The following CACNA1C variants were observed in gnomAD, a reference collection of about 807,000 sequenced individuals.
The protein encoded by CACNA1C is voltage-dependent L-type calcium channel subunit alpha-1C.
A neutral mutation model predicts 229.0 loss-of-function variants in CACNA1C; 30 were observed. The ratio of observed to expected loss-of-function variants is 0.13; its 90% CI spans 0.10 to 0.18. The LOEUF is 0.18. Among genes scored for constraint, CACNA1C ranks in the 10% least tolerant of loss-of-function variants. The pLI is 1.00. For synonymous variants in CACNA1C, 1,114 were observed against 1,132.5 expected, an observed-to-expected ratio of 0.98 and a Z score of 0.33; for missense variants, 1,658 against 2,845.0, an observed-to-expected ratio of 0.58 and a Z score of 9.49.
chr12:1,993,453 C>T (rs541427166), intron 1 of CACNA1C: 2 of 1,571,830 alleles, frequency 1.3e-6, no homozygotes, highest in African/African-American at 1.4e-5. Flanking sequence ...GCTATATTTT[C>T]AGTATAAGTA....
In CACNA1C at chr12:2,682,674, G is replaced by A. The variant is rs1330775539; in HGVS notation, c.5569G>A (p.Glu1857Lys). 1 of 1,610,480 alleles carries A rather than the reference G, an allele frequency of 6.2e-7. No individual in the cohort carries two copies. Among genetic ancestry groups the A allele is most frequent in the East Asian group, 2.2e-5 (1 of 44,810 alleles). ...CAGTGAGCCCAGCCTGCTCTCCACA[G>A]AGATGTGAGCTCTGCTGCCCTCTGC... ...ACSEPSLLSTEMLSYQDDENR... is the reference protein window; with the variant it reads ...ACSEPSLLSTKMLSYQDDENR... The change falls in exon 43 of 47, where the codon GAG (glutamate) becomes AAG (lysine). Residue 1857 changes from glutamate to lysine, a missense_variant. By Grantham distance (56) the Glu-to-Lys change is moderately conservative. Around this residue, in one of 20 missense-constraint regions of CACNA1C, gnomAD observed 590 missense variants for 700.8 expected, o/e 0.84. Transcript: ENST00000399655.
At chr12:2,681,455 C>G (rs766521448) in intron 42 of CACNA1C, among the ~76,000 whole-genome samples, 12 of 152,178 alleles carry the variant, frequency 7.9e-5, no homozygotes, top group Non-Finnish European at 1.2e-4. Context: ...CCCTTGTCCC[C>G]GTGTCACAGC....
intron 3 of CACNA1C, among the ~76,000 whole-genome samples, chr12:2,250,202 T>C (rs2075095700): frequency 6.6e-6 from 1 of 152,136 alleles, no homozygotes; most frequent in African/African-American, 2.4e-5. Flanking sequence ...ACCCAGTCAG[T>C]ATCTGCGGAG....
intron 3 of CACNA1C, among the ~76,000 whole-genome samples, chr12:2,124,539 C>T (rs568166297): frequency 6.6e-6 from 1 of 152,238 alleles, no homozygotes; most frequent in South Asian, 2.1e-4. Context: ...GAGGAGGAGG[C>T]TCGAAGGCTT....
intron 3 of CACNA1C, 76 bp from the exon 4 acceptor site, chr12:2,448,900 G>A: frequency 7.9e-7 from 1 of 1,270,350 alleles, no homozygotes; most frequent in East Asian, 2.4e-5. Flanking sequence ...CTACTTGTGA[G>A]ATCTACTGGT....
rs1484120455 is a variant in CACNA1C at position 2,493,209 on chromosome 12, C to A, written c.936C>A (p.Asp312Glu). Reference sequence around the variant, plus strand: ...TTTGAGATGTTCCAGCAGAAGATGACCCTTCCCCTTGTGCGCTGGAAACGG... The same window carrying A: ...TTTGAGATGTTCCAGCAGAAGATGAACCTTCCCCTTGTGCGCTGGAAACGG... Reference protein sequence around the residue: ...EGIADVPAEDDPSPCALETGH... With the variant: ...EGIADVPAEDEPSPCALETGH... The change falls in exon 7 of 47, where the codon GAC becomes GAA. Residue 312 changes from aspartate (D) to glutamate (E), a missense_variant. Coordinates refer to ENST00000399655, the MANE Select transcript of CACNA1C (RefSeq NM_000719.7). The surrounding 1 kb of genome is among the most constrained non-coding windows in gnomAD (Gnocchi z 4.6). The A allele has an allele frequency of 1.2e-6, 2 of 1,613,912 alleles. No homozygotes were observed. The highest frequency in any genetic ancestry group is 2.2e-5 in the East Asian group (1 of 44,868).
intron 5 of CACNA1C, among the ~76,000 whole-genome samples, chr12:2,471,888 C>A (rs1364664874): frequency 6.6e-6 from 1 of 152,216 alleles, no homozygotes; most frequent in Non-Finnish European, 1.5e-5. Context: ...ACCATCTTGG[C>A]CAGGCTGGCC....
chr12:2,157,824 C>T (rs184157168), intron 3 of CACNA1C, among the ~76,000 whole-genome samples: 19 of 151,996 alleles, frequency 1.3e-4, no homozygotes, highest in South Asian at 8.3e-4. Flanking sequence ...AGAATATACA[C>T]GAGGAAAACT....
chr12:2,379,279 A>G (rs2098167168), intron 3 of CACNA1C, among the ~76,000 whole-genome samples: 2 of 152,214 alleles, frequency 1.3e-5, no homozygotes, highest in African/African-American at 4.8e-5. Context: ...CAATTTGTCC[A>G]TGTAACGGTG....
intron 3 of CACNA1C, among the ~76,000 whole-genome samples, chr12:2,257,655 C>T (rs1419793715): frequency 6.6e-6 from 1 of 152,188 alleles, no homozygotes; most frequent in African/African-American, 2.4e-5. Context: ...GGCTGGGGAC[C>T]CCCGCTCTAG....
At chr12:2,567,915 A>G in intron 13 of CACNA1C, 121 bp downstream of exon 13, 1 of 611,834 alleles carries the variant, frequency 1.6e-6, no homozygotes, top group Non-Finnish European at 2.9e-6. Context: ...GTGTCTCTGA[A>G]GTTCACATGC....
intron 18 of CACNA1C, 146 bp downstream of exon 18, chr12:2,586,050 CTATATT>C: frequency 1.9e-6 from 1 of 526,654 alleles, no homozygotes. Context: ...TCTTCTATCT[CTATATT>C]TAAGCATCAT....
chr12:2,585,320 G>C lies in CACNA1C; in HGVS notation c.2340-56G>C, dbSNP rs2062013532. On this transcript the variant is annotated intron_variant, in intron 16 of 46. Transcript: ENST00000399655. The surrounding 1 kb of genome is among the most constrained non-coding windows in gnomAD (Gnocchi z 4.1). ...CCACAGGGCGGTTCCCTCCTACACT[G>C]TTCCCTATCACTCCAGTAAACAGCC... The C allele has an allele frequency of 6.3e-7, 1 of 1,579,688 alleles. No homozygotes were observed. Among genetic ancestry groups the C allele is most frequent in the Non-Finnish European group, 8.6e-7 (1 of 1,162,474 alleles).
intron 3 of CACNA1C, among the ~76,000 whole-genome samples, chr12:2,284,203 G>A (rs2092198021): frequency 2.0e-5 from 3 of 152,254 alleles, no homozygotes; most frequent in South Asian, 2.1e-4. Context: ...GGGCTTCAGC[G>A]GGGGAGTGGG....
chr12:1,984,132 T>C (rs1176098437), intron 1 of CACNA1C, among the ~76,000 whole-genome samples: 1 of 152,122 alleles, frequency 6.6e-6, no homozygotes, highest in East Asian at 1.9e-4. Context: ...ACATTTAAAA[T>C]GGGTTTTGTG....
intron 3 of CACNA1C, among the ~76,000 whole-genome samples, chr12:2,169,685 T>C (rs984861112): frequency 2.0e-5 from 3 of 152,196 alleles, no homozygotes; most frequent in African/African-American, 7.2e-5. Context: ...AGCCTCTGTT[T>C]GTTGGTTCTG....
At position 2,630,429 on chromosome 12, in the gene CACNA1C, G is replaced by A. The variant is rs954416122; in HGVS notation, c.3829-3868G>A. Reference sequence around the variant, plus strand: ...TCCTCCTAGGACCCAACCACCTGGGGACTTGGGGACCAGCAGGAAGGACCT... The same window carrying A: ...TCCTCCTAGGACCCAACCACCTGGGAACTTGGGGACCAGCAGGAAGGACCT... On this transcript the variant is annotated intron_variant, in intron 29 of 46. Coordinates refer to ENST00000399655, the MANE Select transcript of CACNA1C (RefSeq NM_000719.7). This position sits in a 1 kb window ranked among gnomAD's most constrained non-coding sequence, Gnocchi z 5.4. 1.3e-5 allele frequency among the ~76,000 whole-genome samples: 2 copies of A among 152,164 alleles called. No individual in the cohort carries two copies. Among genetic ancestry groups the A allele is most frequent in the Non-Finnish European group, 2.9e-5 (2 of 68,024 alleles).
intron 18 of CACNA1C, among the ~76,000 whole-genome samples, chr12:2,589,129 C>T (rs1210607186): frequency 6.6e-6 from 1 of 152,136 alleles, no homozygotes; most frequent in Admixed American, 6.5e-5. Context: ...ACTCATGAAG[C>T]ATTTAATGTG....
intron 1 of CACNA1C, among the ~76,000 whole-genome samples, chr12:1,973,743 A>G (rs989544609): frequency 6.6e-6 from 1 of 152,228 alleles, no homozygotes; most frequent in Non-Finnish European, 1.5e-5. Context: ...AAAAATTAGG[A>G]AGCAGAAAAG....
Sources: allele counts gnomAD v4.1 joint callset (sites outside exome capture counted in the v4.1 genomes callset), GRCh38; gene constraint gnomAD v4.1.1; regional missense constraint gnomAD v4.1.1; non-coding constraint Gnocchi (gnomAD v3.1); transcripts MANE v1.5; gene names NCBI Gene and HGNC (gene_info 2026-07-23, HGNC 2026-07-21).